CADM2: variants seen among roughly 807,000 people sequenced by gnomAD.
CADM2 encodes cell adhesion molecule 2.
CADM2 carries 12 observed loss-of-function variants against 49.8 expected under a neutral mutation model. The observed-to-expected ratio is 0.24, with a 90% CI of 0.15 to 0.39. The LOEUF (loss-of-function observed/expected upper bound fraction) is 0.39. CADM2 is among the 10% of genes least tolerant of loss of function. The probability of loss-of-function intolerance (pLI) is 1.00; values close to 1 mark genes in which losing one functional copy is unlikely to be tolerated. For missense variants in CADM2, 378 were observed against 492.3 expected, an observed-to-expected ratio of 0.77 and a Z score of 2.20; for synonymous variants, 214 against 175.4, an observed-to-expected ratio of 1.22 and a Z score of -1.74.
chr3:85,240,344 T>A (rs2042503067), intron 1 of CADM2, among the ~76,000 whole-genome samples: 1 of 151,698 alleles, frequency 6.6e-6, no homozygotes, highest in East Asian at 1.9e-4. Flanking sequence ...ATTTATTTTA[T>A]TTTATGAAAA....
intron 8 of CADM2, among the ~76,000 whole-genome samples, chr3:86,064,379 T>G (rs960433611): frequency 6.6e-6 from 1 of 152,174 alleles, no homozygotes; most frequent in Non-Finnish European, 1.5e-5. Flanking sequence ...ACAAAGGACA[T>G]GGACTCATCC....
intron 1 of CADM2, among the ~76,000 whole-genome samples, chr3:85,302,941 T>G (rs2044134728): frequency 6.6e-6 from 1 of 152,022 alleles, no homozygotes; most frequent in Non-Finnish European, 1.5e-5. Flanking sequence ...AAATTAATAC[T>G]AATATTGAGT....
At chr3:85,046,946 A>G (rs1022580467) in intron 1 of CADM2, among the ~76,000 whole-genome samples, 2 of 151,860 alleles carry the variant, frequency 1.3e-5, no homozygotes, top group African/African-American at 4.9e-5. Context: ...TATCTTACCA[A>G]ATTTCTAAAA....
intron 1 of CADM2, among the ~76,000 whole-genome samples, chr3:85,316,134 ATCTC>A (rs1343670932): frequency 3.3e-5 from 5 of 152,164 alleles, no homozygotes; most frequent in Admixed American, 2.0e-4. Flanking sequence ...TCATATTTGT[ATCTC>A]TCTGTCTTTT....
At chr3:85,977,770 A>T (rs1471689264) in intron 8 of CADM2, among the ~76,000 whole-genome samples, 1 of 151,558 alleles carries the variant, frequency 6.6e-6, no homozygotes, top group East Asian at 1.9e-4. Context: ...ATGCAGCACC[A>T]CTGAGTTTTA....
chr3:85,299,734 T>C (rs1211973535), intron 1 of CADM2, among the ~76,000 whole-genome samples: 1 of 152,004 alleles, frequency 6.6e-6, no homozygotes, highest in East Asian at 1.9e-4. Flanking sequence ...TTTTCTCTTA[T>C]CTATATTATT....
intron 1 of CADM2, among the ~76,000 whole-genome samples, chr3:85,139,924 A>C (rs1371270064): frequency 6.6e-6 from 1 of 152,138 alleles, no homozygotes; most frequent in Non-Finnish European, 1.5e-5. Flanking sequence ...TGTAGGAAGT[A>C]ATGGGTGGTG....
intron 8 of CADM2, among the ~76,000 whole-genome samples, chr3:85,968,736 A>AT (rs1360614841): frequency 6.6e-6 from 1 of 151,672 alleles, no homozygotes; most frequent in Non-Finnish European, 1.5e-5. Context: ...ACCAAAATGT[A>AT]CAGAGCTCTT....
At chr3:85,939,932 C>A (rs7651396) in intron 7 of CADM2, among the ~76,000 whole-genome samples, 9,711 of 149,524 alleles carry the variant, frequency 0.065, 854 homozygotes, top group African/African-American at 0.2. Flanking sequence ...AATTACACAT[C>A]TATTTTTGAA....
At chr3:85,773,282 C>A (rs559353811) in intron 2 of CADM2, among the ~76,000 whole-genome samples, 1 of 151,986 alleles carries the variant, frequency 6.6e-6, no homozygotes, top group Admixed American at 6.6e-5. Flanking sequence ...CTTTTCCTTA[C>A]GTTCCTTTGT....
At chr3:85,771,853 AG>A (rs1227170307) in intron 2 of CADM2, among the ~76,000 whole-genome samples, 1 of 152,066 alleles carries the variant, frequency 6.6e-6, no homozygotes, top group Non-Finnish European at 1.5e-5. Context: ...CTTTCCCAAA[AG>A]TGTTTTCTGA....
At chr3:86,007,114 C>G (rs949401939) in intron 8 of CADM2, among the ~76,000 whole-genome samples, 2 of 147,708 alleles carry the variant, frequency 1.4e-5, no homozygotes, top group African/African-American at 2.5e-5. Context: ...ACCCCCACCC[C>G]CTCACCATTA....
chr3:86,039,592 G>A (rs971895049), intron 8 of CADM2, among the ~76,000 whole-genome samples: 1 of 152,174 alleles, frequency 6.6e-6, no homozygotes, highest in Non-Finnish European at 1.5e-5. Context: ...CTTGAAGCTC[G>A]AATTGGGTGG....
In CADM2 at chr3:85,380,048, C is replaced by T. The variant is rs73134748; in HGVS notation, c.62-346474C>T. On this transcript the variant is annotated intron_variant, in intron 1 of 9. Coordinates refer to ENST00000383699, the MANE Select transcript of CADM2 (RefSeq NM_001167675.2). ...CAATGACAAGCAAAGAGTTTGATAT[C>T]TTTTCAAAGAGTAGAGTTGAAATTT... Among the ~76,000 whole-genome samples the T allele has an allele frequency of 1.2e-3, 186 of 152,134 alleles. 1 individual carries two copies. Among genetic ancestry groups the T allele is most frequent in the Non-Finnish European group, 2.1e-3 (146 of 67,928 alleles).
At chr3:85,001,127 T>G (rs928908828) in intron 1 of CADM2, among the ~76,000 whole-genome samples, 2 of 152,124 alleles carry the variant, frequency 1.3e-5, no homozygotes, top group Non-Finnish European at 2.9e-5. Context: ...AAAATATCTC[T>G]TCACGATGAT....
intron 3 of CADM2, among the ~76,000 whole-genome samples, chr3:85,867,982 A>T (rs2075785895): frequency 6.6e-6 from 1 of 152,098 alleles, no homozygotes; most frequent in African/African-American, 2.4e-5. Context: ...CTACAGCTTC[A>T]AATAGTCAAT....
intron 8 of CADM2, among the ~76,000 whole-genome samples, chr3:85,967,647 T>A (rs1725633037): frequency 6.6e-6 from 1 of 151,624 alleles, no homozygotes; most frequent in African/African-American, 2.4e-5. Context: ...AAAAATGTCC[T>A]TTTGTGCTTC....
intron 7 of CADM2, among the ~76,000 whole-genome samples, chr3:85,958,051 A>G (rs1236841894): frequency 6.6e-6 from 1 of 152,018 alleles, no homozygotes; most frequent in Admixed American, 6.6e-5. Context: ...TACCCATCTG[A>G]CAAAGGTCTA....
chr3:85,689,013 G>T (rs1163408298), intron 1 of CADM2, among the ~76,000 whole-genome samples: 2 of 152,236 alleles, frequency 1.3e-5, no homozygotes, highest in Admixed American at 1.3e-4. Context: ...ACTTTTAATA[G>T]CCAAAAACTG....
Sources: gnomAD v4.1 joint callset for allele counts (sites outside exome capture counted in the v4.1 genomes callset) on GRCh38, gnomAD v4.1.1 for gene constraint, MANE v1.5 for transcripts, NCBI Gene and HGNC (gene_info 2026-07-23, HGNC 2026-07-21) for gene names.